The following NPAS2 variants were observed in gnomAD, a reference collection of about 807,000 sequenced individuals.
NPAS2 encodes the protein neuronal PAS domain-containing protein 2.
Under a neutral mutation model 107.5 loss-of-function variants are expected in NPAS2, and 23 were observed. The observed-to-expected ratio is 0.21, with a 90% CI of 0.15 to 0.30. The LOEUF (loss-of-function observed/expected upper bound fraction) is 0.30, where lower values mean the gene tolerates loss of function less well. NPAS2 is among the 10% of genes least tolerant of loss of function. The pLI, the probability that NPAS2 is intolerant of heterozygous loss-of-function variation, is 1.00. For missense variants in NPAS2, 756 were observed against 1,043.3 expected, an observed-to-expected ratio of 0.72 and a Z score of 3.79; for synonymous variants, 403 against 417.5, an observed-to-expected ratio of 0.97 and a Z score of 0.42.
At chr2:100,942,447 C>T (rs1197914905) in intron 5 of NPAS2, among the ~76,000 whole-genome samples, 6 of 147,804 alleles carry the variant, frequency 4.1e-5, no homozygotes, top group Admixed American at 1.3e-4. Flanking sequence ...GTCCCTGGGT[C>T]GGAGCAGAGC....
At chr2:100,826,201 TG>T (rs1296861089) in intron 1 of NPAS2, among the ~76,000 whole-genome samples, 1 of 152,198 alleles carries the variant, frequency 6.6e-6, no homozygotes, top group African/African-American at 2.4e-5. Context: ...CCCAGCACTT[TG>T]GGAGGCCGAG....
intron 2 of NPAS2, among the ~76,000 whole-genome samples, chr2:100,915,519 C>T (rs1157801040): frequency 6.6e-6 from 1 of 152,110 alleles, no homozygotes; most frequent in Non-Finnish European, 1.5e-5. Flanking sequence ...TACCATAGAC[C>T]CTCAGGTCTG....
chr2:100,826,881 C>G (rs1470279201), intron 1 of NPAS2, among the ~76,000 whole-genome samples: 1 of 152,136 alleles, frequency 6.6e-6, no homozygotes, highest in African/African-American at 2.4e-5. Context: ...CTTTTTTGTG[C>G]ATTTTCACAT....
At chr2:100,892,528 G>A (rs1164721326) in intron 1 of NPAS2, among the ~76,000 whole-genome samples, 5 of 152,046 alleles carry the variant, frequency 3.3e-5, no homozygotes, top group Non-Finnish European at 7.4e-5. Flanking sequence ...AGCAAGCACT[G>A]TGAGACCCGG....
chr2:100,921,712 G>T (rs1025328008), intron 2 of NPAS2, among the ~76,000 whole-genome samples: 2 of 152,180 alleles, frequency 1.3e-5, no homozygotes, highest in Non-Finnish European at 2.9e-5. Context: ...AATCCAAGCC[G>T]CAGTAAGGTA....
chr2:100,928,963 G>T (rs1683761625), intron 3 of NPAS2, among the ~76,000 whole-genome samples: 1 of 152,138 alleles, frequency 6.6e-6, no homozygotes, highest in African/African-American at 2.4e-5. Flanking sequence ...GAGTGCAGTG[G>T]TGCAATTTCA....
chr2:100,933,645 A>G (rs1318421785), intron 4 of NPAS2, among the ~76,000 whole-genome samples: 1 of 152,200 alleles, frequency 6.6e-6, no homozygotes, highest in Non-Finnish European at 1.5e-5. Flanking sequence ...CCTTTCCTCA[A>G]CATCATGTAT....
At chr2:100,905,198 G>A (rs1382398976) in intron 2 of NPAS2, among the ~76,000 whole-genome samples, 1 of 152,064 alleles carries the variant, frequency 6.6e-6, no homozygotes, top group Non-Finnish European at 1.5e-5. Context: ...TAATAATAAT[G>A]ATCATTGCCA....
At chr2:100,890,435 T>C (rs1293435221) in intron 1 of NPAS2, among the ~76,000 whole-genome samples, 1 of 152,034 alleles carries the variant, frequency 6.6e-6, no homozygotes, top group Non-Finnish European at 1.5e-5. Context: ...GTGCAGGCCT[T>C]CCCAGGGACC....
intron 1 of NPAS2, among the ~76,000 whole-genome samples, chr2:100,839,728 A>G (rs1024512932): frequency 2.0e-5 from 3 of 152,132 alleles, no homozygotes; most frequent in Non-Finnish European, 4.4e-5. Context: ...CCATATTTCT[A>G]TACAGATTAT....
At chr2:100,940,401 G>T (rs976769654) in intron 5 of NPAS2, among the ~76,000 whole-genome samples, 4 of 152,216 alleles carry the variant, frequency 2.6e-5, no homozygotes, top group Admixed American at 2.6e-4. Context: ...ATCACTCCTT[G>T]TGAGCCCAGG....
intron 11 of NPAS2, 111 bp from the exon 12 acceptor site, chr2:100,970,879 G>A (rs1052453557): frequency 3.6e-6 from 3 of 838,618 alleles, no homozygotes; most frequent in Non-Finnish European, 5.8e-6. Context: ...GACTGTTGTG[G>A]GGGGCAGGGG....
chr2:100,859,467 A>G (rs1316265071), intron 1 of NPAS2, among the ~76,000 whole-genome samples: 1 of 152,182 alleles, frequency 6.6e-6, no homozygotes, highest in Non-Finnish European at 1.5e-5. Context: ...ATAATCACCT[A>G]AATCAGTGTA....
chr2:100,927,142 G>A (rs952280360), intron 3 of NPAS2, among the ~76,000 whole-genome samples: 1 of 151,836 alleles, frequency 6.6e-6, no homozygotes, highest in Non-Finnish European at 1.5e-5. Context: ...CACCATGTTA[G>A]CCAGGATAGT....
intron 13 of NPAS2, 53 bp downstream of exon 13, chr2:100,974,997 A>G: frequency 6.3e-7 from 1 of 1,597,122 alleles, no homozygotes; most frequent in Middle Eastern, 1.7e-4. Flanking sequence ...GACCAGAGGG[A>G]CAGCCCCACA....
Position 100,991,117 on chromosome 2 carries a change from C to T in NPAS2, c.2111+245C>T, listed in dbSNP as rs180720921. Among the ~76,000 whole-genome samples the T allele has an allele frequency of 1.8e-4, 27 of 152,300 alleles. No individual in the cohort carries two copies. The East Asian group carries it at 4.6e-3, about 26-fold the overall frequency. On this transcript the variant is annotated intron_variant, in intron 19 of 20. Transcript: ENST00000335681. Reference sequence around the variant, plus strand: ...CTGAATGAAACAATTCACACCCCACCGTTTGCCATCATCTTCCGACTTCCT... The same window carrying T: ...CTGAATGAAACAATTCACACCCCACTGTTTGCCATCATCTTCCGACTTCCT...
chr2:100,933,483 A>G (rs1457385225), intron 4 of NPAS2, among the ~76,000 whole-genome samples: 1 of 152,198 alleles, frequency 6.6e-6, no homozygotes, highest in East Asian at 1.9e-4. Flanking sequence ...CACATGGCAT[A>G]CAGATATCAG....
intron 1 of NPAS2, among the ~76,000 whole-genome samples, chr2:100,832,574 T>C (rs895477996): frequency 6.6e-5 from 10 of 151,388 alleles, no homozygotes; most frequent in Non-Finnish European, 5.9e-5. Context: ...TCGGTGGGAG[T>C]TGTTGGTTAG....
intron 1 of NPAS2, among the ~76,000 whole-genome samples, chr2:100,892,648 G>A (rs1248006751): frequency 6.6e-6 from 1 of 152,182 alleles, no homozygotes; most frequent in Non-Finnish European, 1.5e-5. Flanking sequence ...CTAGTTGGAG[G>A]GGAATTGGGA....
Sources: allele counts gnomAD v4.1 joint callset (sites outside exome capture counted in the v4.1 genomes callset), GRCh38; gene constraint gnomAD v4.1.1; transcripts MANE v1.5; gene names NCBI Gene and HGNC (gene_info 2026-07-23, HGNC 2026-07-21).